The following CTNNA3 variants were observed in gnomAD, a reference collection of about 807,000 sequenced individuals.
The protein encoded by CTNNA3 is catenin alpha-3.
In CTNNA3, 76 loss-of-function variants were observed where a neutral mutation model predicts 95.7. The observed-to-expected ratio is 0.79, with a 90% CI of 0.66 to 0.96. The LOEUF (loss-of-function observed/expected upper bound fraction) is 0.96. Among genes scored for constraint, CTNNA3 ranks in the 40% least tolerant of loss-of-function variants. CTNNA3 has a pLI of 0.00. For synonymous variants in CTNNA3, 431 were observed against 374.4 expected (o/e 1.15, Z -1.74); for missense variants, 1,191 against 1,089.8 (o/e 1.09, Z -1.31).
rs1200846228 is a variant in CTNNA3, at chr10:65,912,688, T to A, written c.*7642A>T. On this transcript the variant is annotated 3_prime_UTR_variant, in exon 18 of 18. Transcript: ENST00000433211. ...TGTTACATATGTGAAATAATGCAAT[T>A]AAGAGCACAACTAAAAAAAATCATT... is the stretch of plus-strand genomic sequence containing the variant. The A allele has an allele frequency of 1.3e-5, 2 of 152,054 alleles. No homozygotes were observed. The highest frequency in any genetic ancestry group is 4.8e-5 in the African/African-American group (2 of 41,400). 9.4% of individuals were successfully genotyped at this position (152,054 alleles called of 1,614,324 possible).
At chr10:66,171,363 T>C (rs144249560) in intron 13 of CTNNA3, among the ~76,000 whole-genome samples, 1,522 of 151,322 alleles carry the variant, frequency 0.01, 34 homozygotes, top group African/African-American at 0.035. Context: ...TCACCAGAGA[T>C]GGTGAAACAC....
At chr10:65,923,772 G>T (rs918452798) in intron 17 of CTNNA3, among the ~76,000 whole-genome samples, 1 of 152,126 alleles carries the variant, frequency 6.6e-6, no homozygotes, top group Non-Finnish European at 1.5e-5. Context: ...TAAGTTGAAA[G>T]GGGAGAAATC....
intron 15 of CTNNA3, among the ~76,000 whole-genome samples, chr10:65,996,327 C>T (rs1232251023): frequency 6.6e-6 from 1 of 152,162 alleles, no homozygotes; most frequent in Non-Finnish European, 1.5e-5. Context: ...GGGCACCTTG[C>T]TTTGCCTGCT....
chr10:66,501,569 C>T (rs1840277149), intron 11 of CTNNA3, among the ~76,000 whole-genome samples: 1 of 152,138 alleles, frequency 6.6e-6, no homozygotes, highest in Non-Finnish European at 1.5e-5. Flanking sequence ...ATTAACTTGT[C>T]AACACGAAAG....
chr10:65,932,409 T>A (rs2077269093), intron 17 of CTNNA3, among the ~76,000 whole-genome samples: 1 of 152,214 alleles, frequency 6.6e-6, no homozygotes, highest in South Asian at 2.1e-4. Flanking sequence ...TGTAAACTTG[T>A]GTCAAGACCA....
At chr10:66,546,486 T>A (rs1312082338) in intron 10 of CTNNA3, among the ~76,000 whole-genome samples, 1 of 152,182 alleles carries the variant, frequency 6.6e-6, no homozygotes, top group Non-Finnish European at 1.5e-5. Context: ...TATAAATAAC[T>A]GCCCAAGACT....
chr10:67,130,563 T>C (rs1413693225), intron 7 of CTNNA3, among the ~76,000 whole-genome samples: 1 of 152,132 alleles, frequency 6.6e-6, no homozygotes, highest in Non-Finnish European at 1.5e-5. Context: ...CTGTGACAGA[T>C]AAGAGTGTAA....
intron 9 of CTNNA3, among the ~76,000 whole-genome samples, chr10:66,675,704 T>C (rs1297389523): frequency 6.6e-6 from 1 of 152,170 alleles, no homozygotes; most frequent in East Asian, 1.9e-4. Flanking sequence ...AGAGTGGTTA[T>C]GTGAACAACT....
At chr10:66,322,910 C>A (rs970141385) in intron 12 of CTNNA3, among the ~76,000 whole-genome samples, 2 of 151,834 alleles carry the variant, frequency 1.3e-5, no homozygotes, top group African/African-American at 4.8e-5. Context: ...GACCTAGAAC[C>A]AATCTGGTAT....
intron 5 of CTNNA3, among the ~76,000 whole-genome samples, chr10:67,268,964 G>A (rs1267601326): frequency 6.6e-6 from 1 of 152,118 alleles, no homozygotes; most frequent in Non-Finnish European, 1.5e-5. Context: ...TCAGAGAACC[G>A]TGGTCATTGG....
intron 13 of CTNNA3, among the ~76,000 whole-genome samples, chr10:66,251,061 G>T (rs2090531691): frequency 6.6e-6 from 1 of 152,072 alleles, no homozygotes; most frequent in Non-Finnish European, 1.5e-5. Context: ...ATAATCCCTG[G>T]CTCTGCTTGC....
chr10:67,248,481 T>A (rs1865987390), intron 5 of CTNNA3, among the ~76,000 whole-genome samples: 1 of 151,896 alleles, frequency 6.6e-6, no homozygotes, highest in African/African-American at 2.4e-5. Context: ...GGTGGCACAA[T>A]TTTGGCTCAC....
chr10:66,967,874 A>C (rs942991275), intron 7 of CTNNA3, among the ~76,000 whole-genome samples: 16 of 152,098 alleles, frequency 1.1e-4, no homozygotes, highest in African/African-American at 3.9e-4. Flanking sequence ...AGGTTCTTAG[A>C]AGGGAGGAAG....
intron 5 of CTNNA3, among the ~76,000 whole-genome samples, chr10:67,454,520 C>A (rs550386376): frequency 3.0e-4 from 46 of 152,102 alleles, no homozygotes; most frequent in Middle Eastern, 3.4e-3. Flanking sequence ...GTGAAATTTC[C>A]GAGTCAAATA....
At chr10:66,434,220 T>C (rs1589244611) in intron 11 of CTNNA3, among the ~76,000 whole-genome samples, 1 of 152,146 alleles carries the variant, frequency 6.6e-6, no homozygotes, top group African/African-American at 2.4e-5. Flanking sequence ...ATTGAATCTA[T>C]AAATTACCCT....
chr10:67,331,649 G>A (rs1348233863), intron 5 of CTNNA3, among the ~76,000 whole-genome samples: 3 of 152,154 alleles, frequency 2.0e-5, no homozygotes, highest in Non-Finnish European at 4.4e-5. Context: ...GTAGCAGAGT[G>A]AGATGAATAT....
At chr10:66,618,663 G>A (rs550742345) in intron 10 of CTNNA3, among the ~76,000 whole-genome samples, 79 of 152,248 alleles carry the variant, frequency 5.2e-4, no homozygotes, top group African/African-American at 1.7e-3. Flanking sequence ...AGGACTTCAT[G>A]TCTAAAACAC....
intron 7 of CTNNA3, among the ~76,000 whole-genome samples, chr10:67,016,999 T>A (rs7897274): frequency 6.6e-6 from 1 of 152,044 alleles, no homozygotes; most frequent in South Asian, 2.1e-4. Flanking sequence ...CTTCTATATA[T>A]GAGAAGAACC....
chr10:67,304,940 AAAG>A (rs1195640170), intron 5 of CTNNA3, among the ~76,000 whole-genome samples: 2 of 152,042 alleles, frequency 1.3e-5, no homozygotes, highest in Non-Finnish European at 2.9e-5. Context: ...GAGGAGGTAC[AAAG>A]AAGAAGCTAT....
Sources: gnomAD v4.1 joint callset for allele counts (sites outside exome capture counted in the v4.1 genomes callset) on GRCh38, gnomAD v4.1.1 for gene constraint, MANE v1.5 for transcripts, NCBI Gene and HGNC (gene_info 2026-07-23, HGNC 2026-07-21) for gene names.